Variants in PCDH15 observed in about 807,000 individuals in gnomAD.
PCDH15 encodes the protein protocadherin-15.
In PCDH15, 129 loss-of-function variants were observed where a neutral mutation model predicts 178.5. That is an observed-to-expected ratio of 0.72 (90% CI 0.63 to 0.84). PCDH15 has a LOEUF of 0.84. Ranked by LOEUF, PCDH15 falls within the 40% of genes least tolerant of loss-of-function variation. PCDH15 has a pLI of 0.00. For missense variants in PCDH15, 2,230 were observed against 2,099.9 expected, an observed-to-expected ratio of 1.06 and a Z score of -1.21; for synonymous variants, 800 against 732.0, an observed-to-expected ratio of 1.09 and a Z score of -1.50.
intron 5 of PCDH15, among the ~76,000 whole-genome samples, chr10:54,349,629 G>A (rs1490686632): frequency 6.6e-6 from 1 of 151,942 alleles, no homozygotes; most frequent in Non-Finnish European, 1.5e-5. Context: ...ACATTTGTAA[G>A]TATAATGTTT....
intron 2 of PCDH15, among the ~76,000 whole-genome samples, chr10:55,325,167 A>G (rs1007588295): frequency 1.3e-5 from 2 of 152,186 alleles, no homozygotes; most frequent in East Asian, 1.9e-4. Context: ...TATAGATTCA[A>G]TGCCATTCCT....
At chr10:54,710,759 A>G (rs1488127466) in intron 1 of PCDH15, among the ~76,000 whole-genome samples, 1 of 152,076 alleles carries the variant, frequency 6.6e-6, no homozygotes, top group African/African-American at 2.4e-5. Flanking sequence ...ACATAGAGTG[A>G]AAAGTTGTAG....
At chr10:54,116,214 C>T (rs539158280) in intron 15 of PCDH15, among the ~76,000 whole-genome samples, 7 of 123,934 alleles carry the variant, frequency 5.6e-5, no homozygotes, top group African/African-American at 2.2e-4. Flanking sequence ...ATTAAGTTGT[C>T]AATGGAATGG....
rs543872296 is a variant in PCDH15 at position 53,816,926 on chromosome 10, A to G, written c.4453-649T>C. Among the ~76,000 whole-genome samples, 49 of 152,330 alleles carry G rather than the reference A, an allele frequency of 3.2e-4. 2 individuals carry two copies. In the Middle Eastern group the frequency reaches 0.01, roughly 32 times the overall value. ...ACTTGTATTTATTTAAAGCTAATAC[A>G]GTCACCATTGATCTGTTTCATAATA... On this transcript the variant is annotated intron_variant, in intron 34 of 37. Coordinates refer to ENST00000644397, the MANE Select transcript of PCDH15 (RefSeq NM_001384140.1).
chr10:54,402,506 C>T (rs1057345992), intron 3 of PCDH15, among the ~76,000 whole-genome samples: 10 of 151,840 alleles, frequency 6.6e-5, no homozygotes, highest in South Asian at 6.2e-4. Flanking sequence ...TCCATAAATA[C>T]GGCATTTTTT....
intron 2 of PCDH15, among the ~76,000 whole-genome samples, chr10:55,598,606 T>C (rs1842993216): frequency 7.0e-6 from 1 of 142,776 alleles, no homozygotes; most frequent in Admixed American, 7.2e-5. Flanking sequence ...GTGTAGTCCA[T>C]GGGATGGTAA....
chr10:55,574,088 T>A (rs1842454960), intron 2 of PCDH15, among the ~76,000 whole-genome samples: 1 of 152,004 alleles, frequency 6.6e-6, no homozygotes, highest in East Asian at 1.9e-4. Context: ...AATATATTCA[T>A]CCAACATTTT....
At chr10:55,295,849 A>T (rs1259312628) in intron 1 of PCDH15, among the ~76,000 whole-genome samples, 1 of 152,122 alleles carries the variant, frequency 6.6e-6, no homozygotes, top group Non-Finnish European at 1.5e-5. Flanking sequence ...TTTAGCACGG[A>T]CATCACAAGT....
intron 2 of PCDH15, among the ~76,000 whole-genome samples, chr10:55,420,626 T>A (rs538669416): frequency 1.3e-5 from 2 of 151,672 alleles, no homozygotes; most frequent in African/African-American, 4.8e-5. Flanking sequence ...ACAGGAAATA[T>A]AACCCAAAGG....
chr10:54,027,646 A>C (rs2093149693), intron 18 of PCDH15, among the ~76,000 whole-genome samples: 1 of 148,858 alleles, frequency 6.7e-6, no homozygotes. Context: ...GCATATCTAC[A>C]ACTATCTGAT....
chr10:55,610,533 C>T (rs906176230), intron 2 of PCDH15, among the ~76,000 whole-genome samples: 9 of 151,910 alleles, frequency 5.9e-5, no homozygotes, highest in Admixed American at 3.9e-4. Context: ...AGGATAAGTA[C>T]GAGTCATTTC....
At chr10:54,996,603 A>G (rs888612942) in intron 2 of PCDH15, among the ~76,000 whole-genome samples, 1 of 151,972 alleles carries the variant, frequency 6.6e-6, no homozygotes, top group East Asian at 1.9e-4. Context: ...GAATGTGTCT[A>G]TCTCATCTGA....
intron 13 of PCDH15, among the ~76,000 whole-genome samples, chr10:54,172,616 T>C (rs2047033291): frequency 1.3e-5 from 2 of 152,308 alleles, no homozygotes; most frequent in African/African-American, 4.8e-5. Flanking sequence ...ATTGGACATA[T>C]ACTAAAGAAA....
At chr10:54,340,711 C>T (rs1478480746) in intron 6 of PCDH15, among the ~76,000 whole-genome samples, 1 of 152,090 alleles carries the variant, frequency 6.6e-6, no homozygotes, top group Non-Finnish European at 1.5e-5. Context: ...TTGTTCATCC[C>T]TTCACTTGGG....
At chr10:55,468,964 C>T (rs1839900529) in intron 2 of PCDH15, 2 of 151,934 alleles carry the variant, frequency 1.3e-5, no homozygotes. Flanking sequence ...GCTTTATGTT[C>T]ATCAACTATG....
chr10:54,582,779 T>C (rs926950694), intron 2 of PCDH15, among the ~76,000 whole-genome samples: 2 of 151,984 alleles, frequency 1.3e-5, no homozygotes, highest in Admixed American at 1.3e-4. Flanking sequence ...CTGGGAATGG[T>C]GGTGCACACC....
chr10:54,071,675 G>A (rs1310312544), intron 17 of PCDH15, among the ~76,000 whole-genome samples: 1 of 152,058 alleles, frequency 6.6e-6, no homozygotes, highest in African/African-American at 2.4e-5. Context: ...GAATTTATCT[G>A]AGCAGAGACT....
At chr10:55,458,170 TA>T (rs1217748253) in intron 2 of PCDH15, among the ~76,000 whole-genome samples, 1 of 152,094 alleles carries the variant, frequency 6.6e-6, no homozygotes, top group Admixed American at 6.6e-5. Context: ...CTTTAACTTT[TA>T]AACATATAAG....
At chr10:55,254,284 T>A (rs1001914735) in intron 1 of PCDH15, among the ~76,000 whole-genome samples, 13 of 152,118 alleles carry the variant, frequency 8.5e-5, no homozygotes, top group Non-Finnish European at 1.5e-5. Flanking sequence ...GAGACTCAAC[T>A]CCTTCAGTTG....
Sources: gnomAD v4.1 joint callset for allele counts (sites outside exome capture counted in the v4.1 genomes callset) on GRCh38, gnomAD v4.1.1 for gene constraint, MANE v1.5 for transcripts, NCBI Gene and HGNC (gene_info 2026-07-23, HGNC 2026-07-21) for gene names.